The following PCBP3 variants were observed in gnomAD, a reference collection of about 807,000 sequenced individuals.
The protein encoded by PCBP3 is poly(rC) binding protein 3.
PCBP3 carries 25 observed loss-of-function variants against 52.7 expected under a neutral mutation model. That is an observed-to-expected ratio of 0.47 (90% CI 0.35 to 0.66). The LOEUF (loss-of-function observed/expected upper bound fraction) is 0.66, where lower values mean the gene tolerates loss of function less well. Among genes scored for constraint, PCBP3 ranks in the 30% least tolerant of loss-of-function variants. The pLI is 0.01. For synonymous variants in PCBP3, 162 were observed against 183.0 expected (o/e 0.89, Z 0.93); for missense variants, 391 against 490.3 (o/e 0.80, Z 1.91).
chr21:45,770,796 C>A (rs575994042), intron 4 of PCBP3, among the ~76,000 whole-genome samples: 1 of 152,314 alleles, frequency 6.6e-6, no homozygotes, highest in East Asian at 1.9e-4. Flanking sequence ...CCATGTGGCA[C>A]CCTGTGTGGC....
chr21:45,878,418 CAG>C (rs1231071537), intron 5 of PCBP3, among the ~76,000 whole-genome samples: 11 of 152,376 alleles, frequency 7.2e-5, no homozygotes, highest in Non-Finnish European at 1.2e-4. Flanking sequence ...CTGGAGATCA[CAG>C]AGAGGGGCGA....
At chr21:45,884,664 C>T (rs1024414237) in intron 5 of PCBP3, among the ~76,000 whole-genome samples, 2 of 151,988 alleles carry the variant, frequency 1.3e-5, no homozygotes, top group Admixed American at 6.6e-5. Flanking sequence ...AGGCTCCAGC[C>T]GTCCTCCCAC....
chr21:45,849,908 C>CG lies in PCBP3; in HGVS notation c.-125-51dup, dbSNP rs1603450163. Reference sequence around the variant, plus strand: ...CAGTTCCGTTGAAGCCCAGTGCTGGCGGAGAGGCCCTGCACTGGTGCGCTC... The same window carrying CG: ...CAGTTCCGTTGAAGCCCAGTGCTGGCGGGAGAGGCCCTGCACTGGTGCGCTC... On this transcript the variant is annotated intron_variant, in intron 4 of 17. Transcript: ENST00000681687. 2.1e-5 allele frequency: 13 copies of CG among 629,998 alleles called. No homozygotes were observed. The East Asian group carries it at 3.6e-4, about 18-fold the overall frequency. The allele number at this position is 629,998 out of a possible 1,614,324, so 39.0% of individuals were successfully genotyped here. A position where few individuals can be genotyped will look rare whatever the true frequency, so the allele number is the denominator to read the frequency against.
chr21:45,879,356 A>G (rs2095345350), intron 5 of PCBP3, among the ~76,000 whole-genome samples: 1 of 152,250 alleles, frequency 6.6e-6, no homozygotes, highest in South Asian at 2.1e-4. Context: ...TGAAAAATTC[A>G]TGATGTAGAC....
chr21:45,925,855 T>C (rs1035557515), intron 13 of PCBP3, among the ~76,000 whole-genome samples: 2 of 152,136 alleles, frequency 1.3e-5, no homozygotes, highest in African/African-American at 4.8e-5. Context: ...TGACAGACAT[T>C]ATAGCAAAAA....
At chr21:45,924,838 G>A (rs1332098871) in intron 13 of PCBP3, among the ~76,000 whole-genome samples, 4 of 42,526 alleles carry the variant, frequency 9.4e-5, no homozygotes, top group African/African-American at 6.8e-4. Context: ...GGGAACAGTC[G>A]TGTGGGTAGA....
At chr21:45,789,291 T>C (rs2091375807) in intron 4 of PCBP3, among the ~76,000 whole-genome samples, 1 of 152,234 alleles carries the variant, frequency 6.6e-6, no homozygotes, top group Non-Finnish European at 1.5e-5. Context: ...GTGCACGTAG[T>C]GTACCCGCAT....
chr21:45,870,056 A>AT (rs72562352), intron 5 of PCBP3, among the ~76,000 whole-genome samples: 21,429 of 152,094 alleles, frequency 0.14, 1,686 homozygotes, highest in Middle Eastern at 0.28. Context: ...TTGTTCATTT[A>AT]TTTTTTAGTT....
At chr21:45,644,314 C>A (rs1017318709) in intron 1 of PCBP3, among the ~76,000 whole-genome samples, 1 of 151,706 alleles carries the variant, frequency 6.6e-6, no homozygotes, top group African/African-American at 2.4e-5. Flanking sequence ...GGGCCTCCTC[C>A]CCCTGGACGG....
chr21:45,738,048 C>T (rs2086019774), intron 3 of PCBP3, among the ~76,000 whole-genome samples: 1 of 152,112 alleles, frequency 6.6e-6, no homozygotes, highest in African/African-American at 2.4e-5. Flanking sequence ...CCGTGCAGAC[C>T]TCTCAGGTCC....
chr21:45,735,608 C>T lies in PCBP3; in HGVS notation c.-162+179C>T, dbSNP rs1320751963. 6.6e-6 allele frequency among the ~76,000 whole-genome samples: 1 copy of T among 152,144 alleles called. No homozygotes were observed. The highest frequency in any genetic ancestry group is 1.5e-5 in the Non-Finnish European group (1 of 68,042). On this transcript the variant is annotated intron_variant, in intron 3 of 17. Coordinates refer to ENST00000681687, the MANE Select transcript of PCBP3 (RefSeq NM_001384156.1). The surrounding 1 kb of genome is among the most constrained non-coding windows in gnomAD (Gnocchi z 4.0). The stretch of plus-strand genomic sequence containing the variant: ...CCTCAGGTCACACTACTGCCAAGAG[C>T]ATGTAGTGTGAGTGACACGCGTTTT...
At chr21:45,930,751 C>A (rs1185117852) in intron 14 of PCBP3, 35 bp from the exon 15 acceptor site, 5 of 991,152 alleles carry the variant, frequency 5.0e-6, no homozygotes, top group Middle Eastern at 2.1e-4. Context: ...TCCTTGAGGG[C>A]AAAACATTAA....
chr21:45,722,180 G>A (rs915680021), intron 2 of PCBP3, among the ~76,000 whole-genome samples: 11 of 152,140 alleles, frequency 7.2e-5, no homozygotes, highest in South Asian at 2.1e-4. Context: ...AGCAATTAGC[G>A]TTTATAGGAA....
Position 45,921,194 on chromosome 21 carries a change from C to T in PCBP3, c.717+3565C>T, listed in dbSNP as rs3116703. On this transcript the variant is annotated intron_variant, in intron 13 of 17. Transcript: ENST00000681687. Reference sequence around the variant, plus strand: ...TATTTAGTAGAAATTTTTAAAGCATCGGTATTTAGTAGAAATTTTTAAAGC... The same window carrying T: ...TATTTAGTAGAAATTTTTAAAGCATTGGTATTTAGTAGAAATTTTTAAAGC... Among the ~76,000 whole-genome samples, 38 of 152,234 alleles carry T rather than the reference C, an allele frequency of 2.5e-4. No individual in the cohort carries two copies. In the South Asian group the frequency reaches 7.0e-3, roughly 28 times the overall value.
chr21:45,746,101 CTG>C lies in PCBP3; in HGVS notation c.-161-9312_-161-9311del, dbSNP rs2086833920. Among the ~76,000 whole-genome samples, 2 of 138,140 alleles carry C rather than the reference CTG, an allele frequency of 1.4e-5. 1 individual carries two copies. Among genetic ancestry groups the C allele is most frequent in the Non-Finnish European group, 3.1e-5 (2 of 64,884 alleles). 90.6% of individuals were successfully genotyped at this position (138,140 alleles called of 152,430 possible). On this transcript the variant is annotated intron_variant, in intron 3 of 17. Transcript: ENST00000681687. ...AGCGCACACGGTGTTGTCAGCATCG[CTG>C]TGTCAGTCCACTGACGTAGCGCACA...
intron 4 of PCBP3, among the ~76,000 whole-genome samples, chr21:45,774,338 C>T (rs573453220): frequency 1.1e-4 from 16 of 150,378 alleles, no homozygotes; most frequent in African/African-American, 3.4e-4. Flanking sequence ...ACCTGTGAAC[C>T]GAGATTGCGC....
chr21:45,936,802 C>A (rs182417980), intron 16 of PCBP3, among the ~76,000 whole-genome samples: 31 of 152,326 alleles, frequency 2.0e-4, no homozygotes, highest in Non-Finnish European at 3.8e-4. Flanking sequence ...GTTGGTCAAC[C>A]TGTTTCCTGG....
intron 1 of PCBP3, among the ~76,000 whole-genome samples, chr21:45,645,983 C>G (rs1046332673): frequency 6.6e-6 from 1 of 152,014 alleles, no homozygotes; most frequent in Admixed American, 6.6e-5. Context: ...GCTCTCATCC[C>G]TGGTGGCAGT....
At chr21:45,931,576 CT>C (rs1269827686) in intron 15 of PCBP3, among the ~76,000 whole-genome samples, 1 of 151,658 alleles carries the variant, frequency 6.6e-6, no homozygotes, top group East Asian at 1.9e-4. Flanking sequence ...GGGCAGCCTC[CT>C]TTACCCCTGG....
Sources: gnomAD v4.1 joint callset for allele counts (sites outside exome capture counted in the v4.1 genomes callset) on GRCh38, gnomAD v4.1.1 for gene constraint, Gnocchi (gnomAD v3.1) non-coding constraint, MANE v1.5 for transcripts, NCBI Gene and HGNC (gene_info 2026-07-23, HGNC 2026-07-21) for gene names.